The following OPCML variants were observed in gnomAD, a reference collection of about 807,000 sequenced individuals.
OPCML encodes opioid-binding protein/cell adhesion molecule.
OPCML carries 13 observed loss-of-function variants against 37.8 expected under a neutral mutation model. That is an observed-to-expected ratio of 0.34 (90% CI 0.22 to 0.55). OPCML has a LOEUF of 0.55. Ranked by LOEUF, OPCML falls within the 20% of genes least tolerant of loss-of-function variation. OPCML has a pLI of 0.91. For synonymous variants in OPCML, 176 were observed against 168.8 expected, an observed-to-expected ratio of 1.04 and a Z score of -0.33; for missense variants, 341 against 435.6, an observed-to-expected ratio of 0.78 and a Z score of 1.93.
chr11:132,690,778 A>T (rs1943370315), intron 2 of OPCML, among the ~76,000 whole-genome samples: 1 of 152,206 alleles, frequency 6.6e-6, no homozygotes, highest in Non-Finnish European at 1.5e-5. Flanking sequence ...AATAAAGCCT[A>T]AGAAAGAGGC....
intron 2 of OPCML, among the ~76,000 whole-genome samples, chr11:132,669,358 A>C (rs1044388557): frequency 5.3e-5 from 8 of 151,954 alleles, no homozygotes; most frequent in Admixed American, 4.6e-4. Context: ...AAACACATCC[A>C]ATTCCCTAAG....
At chr11:133,422,454 T>C (rs1945911832) in intron 1 of OPCML, 1 of 979,002 alleles carries the variant, frequency 1.0e-6, no homozygotes, top group South Asian at 4.7e-5. Context: ...AGAGGAGTCT[T>C]GGGAGAGGAA....
At chr11:133,493,804 T>C (rs960229499) in intron 1 of OPCML, among the ~76,000 whole-genome samples, 3 of 152,190 alleles carry the variant, frequency 2.0e-5, no homozygotes, top group Non-Finnish European at 4.4e-5. Context: ...GCCTAGGTTT[T>C]CTTCTAGGGT....
At chr11:132,873,282 C>T (rs1476483862) in intron 2 of OPCML, among the ~76,000 whole-genome samples, 3 of 152,164 alleles carry the variant, frequency 2.0e-5, no homozygotes, top group Non-Finnish European at 4.4e-5. Flanking sequence ...TGTTTCTGTA[C>T]ATTAAGCATC....
intron 1 of OPCML, among the ~76,000 whole-genome samples, chr11:133,496,822 G>A (rs1416779018): frequency 6.6e-6 from 1 of 152,132 alleles, no homozygotes; most frequent in African/African-American, 2.4e-5. Flanking sequence ...GGGTTTTCAA[G>A]GTAAACGATT....
At chr11:133,502,908 C>T (rs1565671712) in intron 1 of OPCML, among the ~76,000 whole-genome samples, 1 of 152,182 alleles carries the variant, frequency 6.6e-6, no homozygotes, top group Non-Finnish European at 1.5e-5. Flanking sequence ...TTTCCTGGGA[C>T]TGAGAGCTCT....
At chr11:133,327,162 G>A (rs1052632457) in intron 1 of OPCML, among the ~76,000 whole-genome samples, 1 of 148,570 alleles carries the variant, frequency 6.7e-6, no homozygotes, top group East Asian at 2.0e-4. Context: ...GGGTGTGGGT[G>A]TGTGTAGTGT....
chr11:132,814,039 A>G (rs1399505073), intron 2 of OPCML, among the ~76,000 whole-genome samples: 1 of 152,238 alleles, frequency 6.6e-6, no homozygotes, highest in African/African-American at 2.4e-5. Context: ...TGTCTAGAAC[A>G]GTTCTGATCA....
rs376660641 is a variant in OPCML, at chr11:132,700,280, CTTTA to C, written c.147-42965_147-42962del. Among the ~76,000 whole-genome samples, 67 of 151,810 alleles carry C rather than the reference CTTTA, an allele frequency of 4.4e-4. No homozygotes were observed. The East Asian group carries it at 5.4e-3, about 12-fold the overall frequency. Reference sequence around the variant, plus strand: ...TTTTAAATTGTTTATTGTTTTCAGTCTTTATTTATTTCTGTTCTAATCTTCATTA... The same window carrying C: ...TTTTAAATTGTTTATTGTTTTCAGTCTTTATTTCTGTTCTAATCTTCATTA... On this transcript the variant is annotated intron_variant, in intron 2 of 7. Coordinates refer to ENST00000524381, the MANE Select transcript of OPCML (RefSeq NM_001012393.5).
In OPCML at chr11:133,405,651, G is replaced by A. The variant is rs1162604172; in HGVS notation, c.61+126613C>T. Among the ~76,000 whole-genome samples, 3 of 152,142 alleles carry A rather than the reference G, an allele frequency of 2.0e-5. No homozygotes were observed. In the East Asian group the frequency reaches 5.8e-4, roughly 29 times the overall value. ...GCGTGATCTGGCTCTAGCGCTGGGG[G>A]AAGCAGAGCTTTGAGGCTTCCCATA... On this transcript the variant is annotated intron_variant, in intron 1 of 7. Transcript: ENST00000524381.
chr11:132,773,888 T>A (rs1046426544), intron 2 of OPCML, among the ~76,000 whole-genome samples: 14 of 152,086 alleles, frequency 9.2e-5, no homozygotes, highest in African/African-American at 3.1e-4. Context: ...ACTCTATCAA[T>A]CACCACAGGC....
intron 1 of OPCML, among the ~76,000 whole-genome samples, chr11:133,315,103 A>G (rs1943173512): frequency 6.6e-6 from 1 of 152,168 alleles, no homozygotes; most frequent in Non-Finnish European, 1.5e-5. Context: ...AATTAGATGC[A>G]TGTCTCTTAT....
chr11:133,315,848 A>G (rs1487029740), intron 1 of OPCML, among the ~76,000 whole-genome samples: 1 of 152,184 alleles, frequency 6.6e-6, no homozygotes, highest in Non-Finnish European at 1.5e-5. Flanking sequence ...TATATTATAT[A>G]TAGCCACAAA....
chr11:133,458,283 T>G (rs1347614534), intron 1 of OPCML, among the ~76,000 whole-genome samples: 2 of 81,848 alleles, frequency 2.4e-5, no homozygotes, highest in Non-Finnish European at 4.0e-5. Flanking sequence ...TACACACATA[T>G]ATACACGTGT....
chr11:133,246,219 T>C (rs1940920718), intron 1 of OPCML, among the ~76,000 whole-genome samples: 1 of 152,216 alleles, frequency 6.6e-6, no homozygotes, highest in Non-Finnish European at 1.5e-5. Flanking sequence ...CAATGCACAT[T>C]TATTATCTCT....
At chr11:132,444,486 G>C (rs1245180450) in intron 4 of OPCML, among the ~76,000 whole-genome samples, 1 of 152,152 alleles carries the variant, frequency 6.6e-6, no homozygotes, top group Non-Finnish European at 1.5e-5. Context: ...CCTGAGTCTT[G>C]TACTGTTTAC....
chr11:132,836,343 A>T (rs550554079), intron 2 of OPCML, among the ~76,000 whole-genome samples: 1 of 152,318 alleles, frequency 6.6e-6, no homozygotes, highest in Non-Finnish European at 1.5e-5. Flanking sequence ...TGTGTTCTAC[A>T]GAGAATTATT....
chr11:133,494,505 A>G (rs1278500040), intron 1 of OPCML, among the ~76,000 whole-genome samples: 1 of 148,826 alleles, frequency 6.7e-6, no homozygotes, highest in African/African-American at 2.5e-5. Context: ...GATTAAGAAA[A>G]TGTGGCACAT....
chr11:133,528,224 TC>T (rs1182912598), intron 1 of OPCML, among the ~76,000 whole-genome samples: 1 of 152,250 alleles, frequency 6.6e-6, no homozygotes, highest in African/African-American at 2.4e-5. Context: ...TGATGCTATC[TC>T]CTTCTCAGCA....
Sources: allele counts gnomAD v4.1 joint callset (sites outside exome capture counted in the v4.1 genomes callset), GRCh38; gene constraint gnomAD v4.1.1; transcripts MANE v1.5; gene names NCBI Gene and HGNC (gene_info 2026-07-23, HGNC 2026-07-21).